Variants in TULP4 observed in about 807,000 individuals in gnomAD.
TULP4 encodes the protein TUB like protein 4, also known as tubby-related protein 4.
In TULP4, 16 loss-of-function variants were observed where a neutral mutation model predicts 129.0. The ratio of observed to expected loss-of-function variants is 0.12; its 90% CI spans 0.08 to 0.19. The LOEUF (loss-of-function observed/expected upper bound fraction) is 0.19, where lower values mean the gene tolerates loss of function less well. TULP4 is among the 10% of genes least tolerant of loss of function. The pLI, the probability that TULP4 is intolerant of heterozygous loss-of-function variation, is 1.00. For synonymous variants in TULP4, 998 were observed against 854.0 expected, an observed-to-expected ratio of 1.17 and a Z score of -2.94; for missense variants, 1,842 against 2,059.1, an observed-to-expected ratio of 0.89 and a Z score of 2.04.
intron 1 of TULP4, among the ~76,000 whole-genome samples, chr6:158,346,661 C>A (rs1780319553): frequency 6.6e-6 from 1 of 152,134 alleles, no homozygotes; most frequent in Non-Finnish European, 1.5e-5. Flanking sequence ...CCAAAAAGTT[C>A]AGTGTTTTGG....
At chr6:158,442,510 C>T (rs1778921356) in intron 3 of TULP4, among the ~76,000 whole-genome samples, 1 of 151,946 alleles carries the variant, frequency 6.6e-6, no homozygotes, top group Non-Finnish European at 1.5e-5. Context: ...ATTCCAGCAT[C>T]ACTCGCGGTC....
chr6:158,435,651 G>C (rs1218519194), intron 3 of TULP4, among the ~76,000 whole-genome samples: 3 of 151,906 alleles, frequency 2.0e-5, no homozygotes, highest in African/African-American at 7.3e-5. Flanking sequence ...TTTGCTGCTG[G>C]CTCCCCACAC....
intron 1 of TULP4, among the ~76,000 whole-genome samples, chr6:158,365,899 CTTTTTTT>C (rs5881257): frequency 5.2e-5 from 3 of 57,542 alleles, no homozygotes; most frequent in South Asian, 1.1e-3. Context: ...CTTTTTCTTT[CTTTTTTT>C]TTTTTTTTTT....
intron 1 of TULP4, among the ~76,000 whole-genome samples, chr6:158,236,903 T>G (rs916786558): frequency 1.4e-5 from 2 of 139,934 alleles, no homozygotes; most frequent in East Asian, 4.3e-4. Flanking sequence ...AACCTCCGCC[T>G]CCCAGTTTCA....
rs1583733547 is a variant in TULP4, at chr6:158,313,199, T to G, written c.-818T>G. 1 of 312,574 alleles carries G rather than the reference T, an allele frequency of 3.2e-6. No individual in the cohort carries two copies. Among genetic ancestry groups the G allele is most frequent in the Non-Finnish European group, 5.8e-6 (1 of 173,196 alleles). The allele number at this position is 312,574 out of a possible 1,614,324, so 19.4% of individuals were successfully genotyped here. ...GCCTCTTGAGTGAAGGGGCCTTCTTTCTAGCCTCTATGGCACTGAGGGGTG... is the reference window on the plus strand; with the variant it reads ...GCCTCTTGAGTGAAGGGGCCTTCTTGCTAGCCTCTATGGCACTGAGGGGTG... On this transcript the variant is annotated 5_prime_UTR_variant, in exon 1 of 14. Transcript: ENST00000367097.
intron 1 of TULP4, among the ~76,000 whole-genome samples, chr6:158,344,743 G>A (rs965941195): frequency 1.3e-5 from 2 of 152,042 alleles, no homozygotes; most frequent in South Asian, 2.1e-4. Context: ...ATAACCCTAC[G>A]GTGATCTCTA....
chr6:158,382,823 C>T (rs1224087357), intron 1 of TULP4, among the ~76,000 whole-genome samples: 11 of 152,188 alleles, frequency 7.2e-5, no homozygotes, highest in Admixed American at 7.2e-4. Context: ...AGATAGTTAA[C>T]TCTGGCATTT....
At chr6:158,412,417 G>C (rs1409634144) in intron 1 of TULP4, among the ~76,000 whole-genome samples, 1 of 152,136 alleles carries the variant, frequency 6.6e-6, no homozygotes, top group Non-Finnish European at 1.5e-5. Context: ...ACCTAGCCGA[G>C]TTGCTACCTT....
At chr6:158,321,757 C>T (rs554051053) in intron 1 of TULP4, among the ~76,000 whole-genome samples, 3 of 152,210 alleles carry the variant, frequency 2.0e-5, no homozygotes, top group Non-Finnish European at 4.4e-5. Context: ...CCTCATGAAT[C>T]TCTTGACTTA....
chr6:158,288,506 AT>A (rs36057113), intron 1 of TULP4, among the ~76,000 whole-genome samples: 5,694 of 148,160 alleles, frequency 0.038, 160 homozygotes, highest in South Asian at 0.071. Flanking sequence ...TGAGTGTTGA[AT>A]TTTTTTTTTT....
Position 158,480,335 on chromosome 6 carries a change from CAT to C in TULP4, c.1251+361_1251+362del, listed in dbSNP as rs549456200. Among the ~76,000 whole-genome samples, 74 of 152,322 alleles carry C rather than the reference CAT, an allele frequency of 4.9e-4. 1 individual carries two copies. Among genetic ancestry groups the C allele is most frequent in the African/African-American group, 1.8e-3 (73 of 41,570 alleles). ...TCAGTCCTGACTTCCTGACAGATGC[CAT>C]TATTCGCATTTAAGGAAGCAGGAAA... On this transcript the variant is annotated intron_variant, in intron 7 of 13. Coordinates refer to ENST00000367097, the MANE Select transcript of TULP4 (RefSeq NM_020245.5).
At position 158,501,113 on chromosome 6, in the gene TULP4, C is replaced by T. The variant is rs569722000; in HGVS notation, c.2015-565C>T. On this transcript the variant is annotated intron_variant, in intron 12 of 13. Coordinates refer to ENST00000367097, the MANE Select transcript of TULP4 (RefSeq NM_020245.5). ...TTAGGAAATGATCCTTCATATGATA[C>T]TCAGATTCACTAGAAGATTCTTTTC... Among the ~76,000 whole-genome samples, 68 of 152,250 alleles carry T rather than the reference C, an allele frequency of 4.5e-4. 1 individual carries two copies. Among genetic ancestry groups the T allele is most frequent in the African/African-American group, 1.6e-3 (67 of 41,550 alleles).
chr6:158,291,408 A>G (rs1778938110), intron 1 of TULP4, among the ~76,000 whole-genome samples: 1 of 152,154 alleles, frequency 6.6e-6, no homozygotes, highest in South Asian at 2.1e-4. Flanking sequence ...TGTCTCTGTC[A>G]TCTAATTGTC....
intron 1 of TULP4, among the ~76,000 whole-genome samples, chr6:158,325,160 A>C (rs3936974): frequency 0.86 from 131,003 of 152,164 alleles, 56,825 homozygotes; most frequent in South Asian, 0.93. Context: ...ATTACCATTC[A>C]ATTCAGTGCA....
chr6:158,490,595 A>G (rs1442693702), intron 9 of TULP4, among the ~76,000 whole-genome samples: 2 of 152,146 alleles, frequency 1.3e-5, no homozygotes, highest in African/African-American at 4.8e-5. Context: ...AGCTCATTGT[A>G]CAAGGGCTAT....
In TULP4 at chr6:158,453,485, C is replaced by CAAAAAAAAAAA. The variant is rs869146924; in HGVS notation, c.859+1231_859+1241dup. Reference sequence around the variant, plus strand: ...GGTGACAGAGCGAGACTCTGTCTCACAAAAAAAAAAAAAAAAAAAAAAAAG... The same window carrying CAAAAAAAAAAA: ...GGTGACAGAGCGAGACTCTGTCTCACAAAAAAAAAAAAAAAAAAAAAAAAAAAAAAAAAAAG... On this transcript the variant is annotated intron_variant, in intron 5 of 13. Coordinates refer to ENST00000367097, the MANE Select transcript of TULP4 (RefSeq NM_020245.5). 2.2e-3 allele frequency among the ~76,000 whole-genome samples: 40 copies of CAAAAAAAAAAA among 17,984 alleles called. 4 individuals are homozygous for CAAAAAAAAAAA. The highest frequency in any genetic ancestry group is 3.5e-3 in the African/African-American group (17 of 4,796). The allele number at this position is 17,984 out of a possible 152,430, so 11.8% of individuals were successfully genotyped here.
chr6:158,235,750 G>A (rs1051199033), intron 1 of TULP4, among the ~76,000 whole-genome samples: 3 of 152,192 alleles, frequency 2.0e-5, no homozygotes, highest in Admixed American at 2.0e-4. Context: ...GTTAGTAACT[G>A]TGGTACTTCA....
At chr6:158,506,527 G>A (rs1301030041) in intron 13 of TULP4, 51 bp from the exon 14 acceptor site, 2 of 1,267,042 alleles carry the variant, frequency 1.6e-6, no homozygotes, top group African/African-American at 2.9e-5. Flanking sequence ...CACTGCGCCT[G>A]GCCTTTTCAC....
At position 158,368,127 on chromosome 6, in the gene TULP4, C is replaced by T. The variant is rs76808615; in HGVS notation, c.253-44938C>T. On this transcript the variant is annotated intron_variant, in intron 1 of 13. Transcript: ENST00000367097. ...TCTGACAGATTGAGTTGTACGTGGA[C>T]ATTTGAGCTTTCCGTAAATTTTCTT... 5.1e-3 allele frequency among the ~76,000 whole-genome samples: 727 copies of T among 142,904 alleles called. 1 individual carries two copies. Among genetic ancestry groups the T allele is most frequent in the Non-Finnish European group, 8.4e-3 (553 of 65,754 alleles). 93.8% of individuals were successfully genotyped at this position (142,904 alleles called of 152,430 possible).
Sources: allele counts gnomAD v4.1 joint callset (sites outside exome capture counted in the v4.1 genomes callset), GRCh38; gene constraint gnomAD v4.1.1; transcripts MANE v1.5; gene names NCBI Gene and HGNC (gene_info 2026-07-23, HGNC 2026-07-21).